LRRC9: variants seen among roughly 807,000 people sequenced by gnomAD.
The protein encoded by LRRC9 is leucine-rich repeat-containing protein 9.
LRRC9 carries 122 observed loss-of-function variants against 63.2 expected under a neutral mutation model. That is an observed-to-expected ratio of 1.93 (90% CI 1.67 to 2.24). The LOEUF (loss-of-function observed/expected upper bound fraction) is 2.24. LRRC9 is among the 30% of genes most tolerant of loss of function. The pLI is 0.00. For missense variants in LRRC9, 1,071 were observed against 627.7 expected (o/e 1.71, Z -7.55); for synonymous variants, 366 against 213.1 (o/e 1.72, Z -6.25).
chr14:59,985,142 G>T, exon 17 of LRRC9: 1 of 689,646 alleles, frequency 1.5e-6, no homozygotes, highest in Non-Finnish European at 2.6e-6. Context: ...AGTAAATTGA[G>T]AGATCTCTCC....
intron 7 of LRRC9, 119 bp from the exon 8 acceptor site, chr14:59,944,470 A>G: frequency 2.4e-6 from 1 of 414,222 alleles, no homozygotes; most frequent in Non-Finnish European, 4.2e-6. Context: ...ATTATTAGTA[A>G]CTAAGCATGC....
intron 8 of LRRC9, among the ~76,000 whole-genome samples, chr14:59,948,041 GA>G (rs1882656895): frequency 7.0e-6 from 1 of 142,842 alleles, no homozygotes; most frequent in Non-Finnish European, 1.5e-5. Context: ...CCAATTCTGT[GA>G]AGAAAGTCAT....
rs1484329925 is a variant in LRRC9, at chr14:59,930,075, G to A, written c.268-843G>A. 6.6e-6 allele frequency among the ~76,000 whole-genome samples: 1 copy of A among 151,812 alleles called. No individual in the cohort carries two copies. The highest frequency in any genetic ancestry group is 1.5e-5 in the Non-Finnish European group (1 of 67,888). On this transcript the variant is annotated intron_variant, in intron 3 of 31. Transcript: ENST00000445360. This position sits in a 1 kb window ranked among gnomAD's most constrained non-coding sequence, Gnocchi z 4.9. ...ATGCACCCCTGAACTTAAAATATAA[G>A]TTCAATAAATAAATAAATTGATTTG... is the stretch of plus-strand genomic sequence containing the variant.
At chr14:60,012,575 ATCAAGTT>A (rs1890339142) in intron 23 of LRRC9, among the ~76,000 whole-genome samples, 1 of 152,246 alleles carries the variant, frequency 6.6e-6, no homozygotes, top group Non-Finnish European at 1.5e-5. Context: ...TTTAATTTAG[ATCAAGTT>A]CAAACCATTT....
intron 7 of LRRC9, among the ~76,000 whole-genome samples, chr14:59,943,513 G>A (rs1279825803): frequency 1.3e-5 from 2 of 151,848 alleles, no homozygotes; most frequent in Non-Finnish European, 2.9e-5. Flanking sequence ...TTAAGTTACG[G>A]TTTTTTCTTT....
chr14:60,040,927 C>T (rs1211579328), intron 29 of LRRC9, among the ~76,000 whole-genome samples: 1 of 151,878 alleles, frequency 6.6e-6, no homozygotes, highest in East Asian at 1.9e-4. Flanking sequence ...TTAGTGCTTC[C>T]TTCAGGAGGT....
chr14:59,994,667 A>T lies in LRRC9; in HGVS notation c.2212-2989A>T, dbSNP rs185359619. On this transcript the variant is annotated intron_variant, in intron 17 of 31. Transcript: ENST00000445360. ...AAAATGTGGCAAATATACACCATGG[A>T]ATACTATGTGGCCATAAAAAATGAT... Among the ~76,000 whole-genome samples the T allele has an allele frequency of 2.4e-3, 373 of 152,344 alleles. 1 individual carries two copies. The highest frequency in any genetic ancestry group is 8.7e-3 in the African/African-American group (361 of 41,568).
intron 10 of LRRC9, among the ~76,000 whole-genome samples, chr14:59,963,525 C>A (rs1594884888): frequency 2.7e-5 from 4 of 149,976 alleles, no homozygotes; most frequent in Middle Eastern, 6.8e-3. Context: ...AAAAAAAAAA[C>A]ACCTTTAAAA....
intron 8 of LRRC9, among the ~76,000 whole-genome samples, chr14:59,955,399 C>G (rs1883631621): frequency 6.6e-6 from 1 of 152,128 alleles, no homozygotes; most frequent in South Asian, 2.1e-4. Context: ...GGAATTTTTC[C>G]ATTTCTTCTA....
At chr14:60,065,321 T>A (rs1013304104), downstream of LRRC9, among the ~76,000 whole-genome samples, 4 of 150,682 alleles carry the variant, frequency 2.7e-5, no homozygotes, top group African/African-American at 4.9e-5. Flanking sequence ...CAAAAAAAAA[T>A]TTTTTTTTCA....
chr14:60,041,615 A>G (rs575218377), intron 29 of LRRC9, among the ~76,000 whole-genome samples: 4 of 152,232 alleles, frequency 2.6e-5, no homozygotes, highest in Admixed American at 6.5e-5. Flanking sequence ...GGACTTCTCT[A>G]TACTTTTATT....
chr14:59,935,838 G>T (rs1051389438), intron 6 of LRRC9, among the ~76,000 whole-genome samples: 2 of 152,248 alleles, frequency 1.3e-5, no homozygotes, highest in Non-Finnish European at 2.9e-5. Flanking sequence ...AATACTGTGT[G>T]ACTTGATCAC....
At chr14:60,054,055 C>T in intron 30 of LRRC9, 1 of 370,336 alleles carries the variant, frequency 2.7e-6, no homozygotes, top group Non-Finnish European at 5.2e-6. Flanking sequence ...CATTAGAGTC[C>T]ATGAACAGAG....
chr14:59,994,605 C>G (rs918906635), intron 17 of LRRC9, among the ~76,000 whole-genome samples: 5 of 152,118 alleles, frequency 3.3e-5, no homozygotes, highest in Non-Finnish European at 7.4e-5. Context: ...AGACTTGGAA[C>G]CAACCCAAAT....
At chr14:60,023,528 T>C (rs1891279345) in intron 27 of LRRC9, among the ~76,000 whole-genome samples, 1 of 79,200 alleles carries the variant, frequency 1.3e-5, no homozygotes, top group Admixed American at 1.7e-4. Flanking sequence ...GAACAAAGAA[T>C]ATGCACTTTT....
chr14:59,999,745 G>A (rs952009031), intron 19 of LRRC9, among the ~76,000 whole-genome samples: 2 of 151,930 alleles, frequency 1.3e-5, no homozygotes, highest in Non-Finnish European at 2.9e-5. Context: ...TTTTCTAGTT[G>A]TTTACTTTTT....
chr14:59,997,774 A>G (rs1304508320), exon 18 of LRRC9: 1 of 702,372 alleles, frequency 1.4e-6, no homozygotes, highest in Admixed American at 2.0e-5. Context: ...AAATCTGGCA[A>G]TGAAATAAAT....
intron 30 of LRRC9, among the ~76,000 whole-genome samples, chr14:60,055,623 C>A (rs1894212963): frequency 6.6e-6 from 1 of 151,322 alleles, no homozygotes; most frequent in Admixed American, 6.6e-5. Flanking sequence ...CCAGGCTTGG[C>A]GGCTTATGCC....
chr14:59,963,564 G>A (rs1884555926), intron 10 of LRRC9, among the ~76,000 whole-genome samples: 1 of 151,684 alleles, frequency 6.6e-6, no homozygotes, highest in Admixed American at 6.6e-5. Context: ...AAGTGACTCT[G>A]TAAGTTCCTT....
Sources: allele counts gnomAD v4.1 joint callset (sites outside exome capture counted in the v4.1 genomes callset), GRCh38; gene constraint gnomAD v4.1.1; non-coding constraint Gnocchi (gnomAD v3.1); transcripts MANE v1.5; gene names NCBI Gene and HGNC (gene_info 2026-07-23, HGNC 2026-07-21).